Variants in PREPL observed in about 807,000 individuals in gnomAD.
PREPL encodes prolyl endopeptidase-like.
In PREPL, 77 loss-of-function variants were observed where a neutral mutation model predicts 70.6. The observed-to-expected ratio is 1.09, with a 90% confidence interval of 0.91 to 1.32. PREPL has a LOEUF of 1.32. PREPL is among the 40% of genes most tolerant of loss of function. The pLI is 0.00. For missense variants in PREPL, 1,002 were observed against 778.2 expected (o/e 1.29, Z -3.42); for synonymous variants, 315 against 264.8 (o/e 1.19, Z -1.84).
chr2:44,355,110 AG>A (rs1676879159), intron 1 of PREPL, among the ~76,000 whole-genome samples: 3 of 152,212 alleles, frequency 2.0e-5, no homozygotes, highest in African/African-American at 7.2e-5. Context: ...GTGTCAGTTT[AG>A]GTCAGGTTTT....
chr2:44,339,325 A>C lies in PREPL; in HGVS notation c.524T>G (p.Phe175Cys), dbSNP rs755371028. ...CTTGTTCATAATATTTATGGTGAGG[A>C]AACGACTGTCTTTTGTAAGATAAAG... Reference protein sequence around the residue: ...VFLYLTKDSRFLTINIMNKTT... With the variant: ...VFLYLTKDSRCLTINIMNKTT... The change falls in exon 6 of 14, where the codon TTC becomes TGC. Residue 175 changes from phenylalanine (F) to cysteine (C), a missense_variant. By Grantham distance (205) the Phe-to-Cys change is radical. Transcript: ENST00000409411. 5 of 1,614,074 alleles carry C rather than the reference A, an allele frequency of 3.1e-6. No homozygotes were observed. The highest frequency in any genetic ancestry group is 4.2e-6 in the Non-Finnish European group (5 of 1,179,986).
intron 12 of PREPL, among the ~76,000 whole-genome samples, chr2:44,322,218 T>C (rs1673039906): frequency 6.6e-6 from 1 of 151,882 alleles, no homozygotes. Context: ...ACTACAGCAA[T>C]GGATGGGGGT....
At chr2:44,335,733 T>A (rs1674571343) in intron 7 of PREPL, among the ~76,000 whole-genome samples, 1 of 149,394 alleles carries the variant, frequency 6.7e-6, no homozygotes. Flanking sequence ...CAAAATAAAC[T>A]ATCAACAGAG....
intron 7 of PREPL, 39 bp from the exon 8 acceptor site, chr2:44,332,695 G>T (rs770789866): frequency 6.8e-7 from 1 of 1,470,068 alleles, no homozygotes; most frequent in South Asian, 1.2e-5. Flanking sequence ...CTTTATTTAG[G>T]CCACCAAGTA....
upstream of PREPL, chr2:44,361,688 T>A: frequency 3.0e-6 from 1 of 327,914 alleles, no homozygotes; most frequent in Non-Finnish European, 5.5e-6. Flanking sequence ...TCGCTAGTCT[T>A]CTGAGCTCGA....
chr2:44,353,759 G>A (rs775625589), intron 1 of PREPL, among the ~76,000 whole-genome samples: 12 of 152,040 alleles, frequency 7.9e-5, no homozygotes, highest in Non-Finnish European at 1.3e-4. Flanking sequence ...ACAATTCAAT[G>A]GAAAAAGAAC....
rs891811969 is a variant in PREPL at position 44,343,636 on chromosome 2, A to G, written c.349+109T>C. ...AGGAAGATGTATAGTCCATAGGGAT[A>G]CATGAATCAGGCATTCACCTTCTCC... On this transcript the variant is annotated intron_variant, in intron 4 of 13. Coordinates refer to ENST00000409411, the MANE Select transcript of PREPL (RefSeq NM_001171613.2). 2.5e-5 allele frequency: 23 copies of G among 915,848 alleles called. No homozygotes were observed. In the East Asian group the frequency reaches 3.9e-4, roughly 15 times the overall value. The allele number at this position is 915,848 out of a possible 1,614,324, so 56.7% of individuals were successfully genotyped here.
chr2:44,326,230 T>C (rs1673472853), intron 10 of PREPL, among the ~76,000 whole-genome samples: 1 of 152,174 alleles, frequency 6.6e-6, no homozygotes, highest in African/African-American at 2.4e-5. Context: ...TTAAAGATAA[T>C]AAAGAACACT....
At chr2:44,339,466 A>T (rs1359790538) in intron 5 of PREPL, 103 bp from the exon 6 acceptor site, 9 of 1,447,620 alleles carry the variant, frequency 6.2e-6, no homozygotes, top group Admixed American at 2.4e-5. Flanking sequence ...GTTGATTTAT[A>T]ATGCAGATAG....
At chr2:44,353,856 A>C (rs1413484072) in intron 1 of PREPL, among the ~76,000 whole-genome samples, 1 of 151,804 alleles carries the variant, frequency 6.6e-6, no homozygotes, top group Non-Finnish European at 1.5e-5. Context: ...CTATAAACAA[A>C]ATGAACTCAA....
chr2:44,326,254 A>G (rs1439621469), intron 10 of PREPL, among the ~76,000 whole-genome samples: 1 of 152,238 alleles, frequency 6.6e-6, no homozygotes, highest in Non-Finnish European at 1.5e-5. Context: ...TCAGAGAAGA[A>G]TAACGGTTAA....
Position 44,318,330 on chromosome 2 carries a change from G to A in PREPL, c.*3026C>T. On this transcript the variant is annotated 3_prime_UTR_variant, in exon 14 of 14. Transcript: ENST00000409411. ...TGGTCTTGAACTCCTGACCTCTGGT[G>A]ATCTGTCTGCCTTGCCTCCCAAAGT... 2 of 204,588 alleles carry A rather than the reference G, an allele frequency of 9.8e-6. No individual in the cohort carries two copies. The highest frequency in any genetic ancestry group is 1.0e-5 in the Non-Finnish European group (1 of 97,140). The allele number at this position is 204,588 out of a possible 1,614,324, so 12.7% of individuals were successfully genotyped here.
chr2:44,361,046 G>A (rs950759064), intron 1 of PREPL, among the ~76,000 whole-genome samples: 3 of 152,268 alleles, frequency 2.0e-5, no homozygotes, highest in African/African-American at 4.8e-5. Flanking sequence ...GGGGAAAAAA[G>A]ACCCGAATAA....
intron 6 of PREPL, 83 bp from the exon 7 acceptor site, chr2:44,338,619 A>G (rs1407826871): frequency 1.8e-6 from 2 of 1,083,558 alleles, no homozygotes; most frequent in East Asian, 4.8e-5. Flanking sequence ...TGAGAACTAG[A>G]CCATACTAGT....
chr2:44,334,713 T>C (rs1380016885), intron 7 of PREPL, among the ~76,000 whole-genome samples: 1 of 152,044 alleles, frequency 6.6e-6, no homozygotes, highest in South Asian at 2.1e-4. Context: ...GCCTGGCTAG[T>C]TTTTGTATTT....
In PREPL at chr2:44,332,517, C is replaced by T; in HGVS notation, c.1028G>A (p.Gly343Glu). The T allele has an allele frequency of 6.2e-7, 1 of 1,614,018 alleles. No homozygotes were observed. The highest frequency in any genetic ancestry group is 1.1e-5 in the South Asian group (1 of 91,078). Reference protein sequence around the residue: ...FAEGKLFEETGHEDPITKTSR... With the variant: ...FAEGKLFEETEHEDPITKTSR... ...AGTCTTTGTGATTGGGTCTTCATGC[C>T]CAGTTTCCTCAAACAGTTTGCCTTC... The change falls in exon 8 of 14, where the codon GGG becomes GAG. Residue 343 changes from glycine (G) to glutamate (E), a missense_variant. Transcript: ENST00000409411.
At chr2:44,328,248 G>A (rs1200889423) in intron 9 of PREPL, among the ~76,000 whole-genome samples, 9 of 134,922 alleles carry the variant, frequency 6.7e-5, no homozygotes, top group Non-Finnish European at 9.3e-5. Flanking sequence ...CAGCCTGGGC[G>A]ACAGAGCAAG....
intron 1 of PREPL, among the ~76,000 whole-genome samples, chr2:44,354,190 TAAAG>T (rs1395446284): frequency 1.3e-5 from 2 of 152,034 alleles, no homozygotes; most frequent in African/African-American, 2.4e-5. Flanking sequence ...ATCAAAGACC[TAAAG>T]AAAGAGCTCA....
chr2:44,323,960 G>A (rs557433579), intron 10 of PREPL, among the ~76,000 whole-genome samples: 1 of 152,286 alleles, frequency 6.6e-6, no homozygotes, highest in East Asian at 1.9e-4. Context: ...GGGTCTTAAA[G>A]AGATCTGCAT....
Sources: allele counts gnomAD v4.1 joint callset (sites outside exome capture counted in the v4.1 genomes callset), GRCh38; gene constraint gnomAD v4.1.1; transcripts MANE v1.5; gene names NCBI Gene and HGNC (gene_info 2026-07-23, HGNC 2026-07-21).